HERC1: variants seen among roughly 807,000 people sequenced by gnomAD.
HERC1 encodes HECT and RLD domain containing E3 ubiquitin protein ligase family member 1.
In HERC1, 160 loss-of-function variants were observed where a neutral mutation model predicts 554.3. The ratio of observed to expected loss-of-function variants is 0.29; its 90% CI spans 0.25 to 0.33. The LOEUF (loss-of-function observed/expected upper bound fraction) is 0.33, where lower values mean the gene tolerates loss of function less well. HERC1 is among the 10% of genes least tolerant of loss of function. The pLI is 1.00. For synonymous variants in HERC1, 2,175 were observed against 2,131.7 expected (o/e 1.02, Z -0.56); for missense variants, 4,919 against 5,918.5 (o/e 0.83, Z 5.54).
chr15:63,661,060 T>A, intron 45 of HERC1, 35 bp from the exon 46 acceptor site: 1 of 1,508,034 alleles, frequency 6.6e-7, no homozygotes, highest in Non-Finnish European at 9.2e-7. Context: ...CATTTTTATA[T>A]AAAACAGTTA....
intron 26 of HERC1, among the ~76,000 whole-genome samples, chr15:63,697,095 A>G (rs1465106977): frequency 6.6e-6 from 1 of 152,194 alleles, no homozygotes; most frequent in East Asian, 1.9e-4. Flanking sequence ...TAACATTGGT[A>G]CAATACTATC....
Position 63,641,564 on chromosome 15 carries a change from T to C in HERC1, c.11513A>G (p.Gln3838Arg), listed in dbSNP as rs1487067994. ...CATGTTCAATCCCAGAACACCCTGC[T>C]GTTTCAATGCTGTCCTACAGGTTGC... The part of the protein sequence containing the change: ...VLATCRTALK[Q>R]QGVLGLNMAP... The change falls in exon 60 of 78, where the codon CAG becomes CGG. Residue 3838 changes from glutamine (Q) to arginine (R), a missense_variant. Physicochemically the swap from Gln to Arg is conservative, Grantham distance 43 (BLOSUM62 1). Coordinates refer to ENST00000443617, the MANE Select transcript of HERC1 (RefSeq NM_003922.4). 6.2e-7 allele frequency: 1 copy of C among 1,609,700 alleles called. No individual in the cohort carries two copies. Among genetic ancestry groups the C allele is most frequent in the African/African-American group, 1.3e-5 (1 of 74,906 alleles).
Position 63,674,866 on chromosome 15 carries a change from C to T in HERC1, c.7322G>A (p.Arg2441Gln), listed in dbSNP as rs371256403. ...KPESESALDM[R>Q]TGLTSDDVKS... is the part of the protein sequence containing the mutation. ...GACGTCATCAGATGTTAGGCCTGTT[C>T]GCATATCTAAAGCGGATTCACTCTC... Residue 2441 changes from arginine (R) to glutamine (Q), a missense_variant, in exon 38 of 78, where the codon CGA (arginine) becomes CAA (glutamine). Physicochemically the swap from Arg to Gln is conservative, Grantham distance 43. Transcript: ENST00000443617. 6.4e-5 allele frequency: 104 copies of T among 1,613,556 alleles called. No individual in the cohort carries two copies. Among genetic ancestry groups the T allele is most frequent in the Non-Finnish European group, 8.5e-5 (100 of 1,179,678 alleles).
chr15:63,656,208 T>C lies in HERC1; in HGVS notation c.9750A>G (p.Arg3250=). 2 of 1,613,146 alleles carry C rather than the reference T, an allele frequency of 1.2e-6. No individual in the cohort carries two copies. The highest frequency in any genetic ancestry group is 2.2e-5 in the South Asian group (2 of 90,936). The change falls in exon 49 of 78, where the codon CGA becomes CGG. Residue 3250 remains arginine (R), a synonymous_variant. Transcript: ENST00000443617. ...SAMASTSERS[R]GGHSKANKPI... is the part of the protein sequence containing the mutation. Reference sequence around the variant, plus strand: ...GCTTGTTAGCCTTGCTATGCCCACCTCGTGATCGTTCTGAGGTGCTAGCCA... The same window carrying C: ...GCTTGTTAGCCTTGCTATGCCCACCCCGTGATCGTTCTGAGGTGCTAGCCA...
intron 1 of HERC1, among the ~76,000 whole-genome samples, chr15:63,786,772 C>T (rs2076460662): frequency 6.6e-6 from 1 of 152,126 alleles, no homozygotes; most frequent in South Asian, 2.1e-4. Flanking sequence ...AATGGAGAAA[C>T]TGGTAAGATT....
chr15:63,689,157 TAAC>T (rs2071959249), intron 33 of HERC1, among the ~76,000 whole-genome samples: 1 of 151,896 alleles, frequency 6.6e-6, no homozygotes, highest in Non-Finnish European at 1.5e-5. Flanking sequence ...GTTTTGAAAA[TAAC>T]AAAAGGCTAG....
At chr15:63,686,635 G>T in intron 33 of HERC1, 100 bp from the exon 34 acceptor site, 1 of 943,132 alleles carries the variant, frequency 1.1e-6, no homozygotes, top group Non-Finnish European at 1.6e-6. Flanking sequence ...TATTTATTAT[G>T]TATCTACTAT....
intron 70 of HERC1, among the ~76,000 whole-genome samples, chr15:63,628,377 A>G (rs934468819): frequency 6.6e-6 from 1 of 152,300 alleles, no homozygotes; most frequent in Non-Finnish European, 1.5e-5. Flanking sequence ...GTGACAGAGC[A>G]AGACTCCATC....
At chr15:63,693,189 A>C (rs1002669356) in intron 30 of HERC1, among the ~76,000 whole-genome samples, 40 of 151,558 alleles carry the variant, frequency 2.6e-4, no homozygotes, top group African/African-American at 9.2e-4. Flanking sequence ...ACAACAACAA[A>C]AAAAACCCAG....
intron 26 of HERC1, 132 bp downstream of exon 26, chr15:63,698,596 T>C: frequency 1.2e-6 from 1 of 857,952 alleles, no homozygotes; most frequent in Non-Finnish European, 1.8e-6. Flanking sequence ...ATGTTATGTT[T>C]AAAAGCTCAG....
At chr15:63,641,862 A>C (rs1356615585) in intron 59 of HERC1, among the ~76,000 whole-genome samples, 3 of 152,072 alleles carry the variant, frequency 2.0e-5, no homozygotes, top group African/African-American at 4.8e-5. Flanking sequence ...TTTGTGAACT[A>C]CCTCTGATTA....
intron 12 of HERC1, among the ~76,000 whole-genome samples, chr15:63,742,380 AGT>A (rs554177245): frequency 2.0e-5 from 3 of 152,060 alleles, no homozygotes; most frequent in African/African-American, 7.2e-5. Flanking sequence ...GTTGTGTATG[AGT>A]GTGTGTGTGT....
rs2071999236 is a variant in HERC1, at chr15:63,689,786, T to G, written c.5938-87A>C. 4 of 704,628 alleles carry G rather than the reference T, an allele frequency of 5.7e-6. No homozygotes were observed. The East Asian group carries it at 1.1e-4, about 20-fold the overall frequency. The allele number at this position is 704,628 out of a possible 1,614,324, so 43.6% of individuals were successfully genotyped here. ...AGCTGTATCATGTTAACTGTAATAT[T>G]AACTCGCATGCGAAGTTTGATTATA... On this transcript the variant is annotated intron_variant, in intron 32 of 77. Coordinates refer to ENST00000443617, the MANE Select transcript of HERC1 (RefSeq NM_003922.4).
At chr15:63,793,863 A>C (rs2076729484) in intron 1 of HERC1, among the ~76,000 whole-genome samples, 1 of 152,146 alleles carries the variant, frequency 6.6e-6, no homozygotes, top group African/African-American at 2.4e-5. Context: ...GCTGAGACCT[A>C]CTGGGCTGCA....
chr15:63,833,619 G>C (rs543021154), intron 1 of HERC1, among the ~76,000 whole-genome samples: 6 of 151,948 alleles, frequency 3.9e-5, no homozygotes, highest in Non-Finnish European at 7.4e-5. Context: ...GGGACCCGGG[G>C]GATCCGCGGC....
At chr15:63,798,418 G>C (rs74019021) in intron 1 of HERC1, among the ~76,000 whole-genome samples, 10 of 151,910 alleles carry the variant, frequency 6.6e-5, no homozygotes, top group East Asian at 5.8e-4. Context: ...TCCCACCTAC[G>C]TAACAGACAC....
chr15:63,686,291 A>T, intron 34 of HERC1, 68 bp downstream of exon 34: 1 of 1,165,748 alleles, frequency 8.6e-7, no homozygotes, highest in Non-Finnish European at 1.2e-6. Context: ...CTACACATTT[A>T]TTATAAGAAC....
intron 18 of HERC1, among the ~76,000 whole-genome samples, chr15:63,723,699 C>T (rs1434665244): frequency 1.3e-5 from 2 of 152,102 alleles, no homozygotes; most frequent in African/African-American, 4.8e-5. Context: ...TCTTGTATAA[C>T]AAAAAACCAA....
At chr15:63,615,994 G>A (rs375787266) in intron 75 of HERC1, 74 bp from the exon 76 acceptor site, 10 of 1,242,530 alleles carry the variant, frequency 8.0e-6, no homozygotes, top group Admixed American at 2.7e-5. Context: ...ATACAAATAC[G>A]GCACAGCAAT....
Sources: allele counts gnomAD v4.1 joint callset (sites outside exome capture counted in the v4.1 genomes callset), GRCh38; gene constraint gnomAD v4.1.1; transcripts MANE v1.5; gene names NCBI Gene and HGNC (gene_info 2026-07-23, HGNC 2026-07-21).